LIG1: variants seen among roughly 807,000 people sequenced by gnomAD.
The protein encoded by LIG1 is DNA ligase 1, also known as ligase I, DNA, ATP-dependent.
Under a neutral mutation model 115.7 loss-of-function variants are expected in LIG1, and 70 were observed. That is an observed-to-expected ratio of 0.60 (90% CI 0.50 to 0.74). LIG1 has a LOEUF of 0.74. LIG1 is among the 30% of genes least tolerant of loss of function. The probability of loss-of-function intolerance (pLI) is 0.00; values close to 1 mark genes in which losing one functional copy is unlikely to be tolerated. For synonymous variants in LIG1, 487 were observed against 495.3 expected (o/e 0.98, Z 0.22); for missense variants, 1,115 against 1,225.6 (o/e 0.91, Z 1.35).
At chr19:48,161,563 G>A in intron 3 of LIG1, 56 bp from the exon 4 acceptor site, 1 of 1,587,890 alleles carries the variant, frequency 6.3e-7, no homozygotes, top group South Asian at 1.1e-5. Flanking sequence ...CAGAGTGGGG[G>A]CACTGCCCGC....
At chr19:48,129,842 G>A (rs564794835) in intron 19 of LIG1, among the ~76,000 whole-genome samples, 18 of 152,228 alleles carry the variant, frequency 1.2e-4, no homozygotes, top group African/African-American at 3.4e-4. Context: ...TGCAACCTCC[G>A]CCTCCTGGGT....
intron 12 of LIG1, among the ~76,000 whole-genome samples, chr19:48,139,554 G>C (rs3730951): frequency 0.3 from 45,900 of 151,952 alleles, 7,985 homozygotes; most frequent in East Asian, 0.55. Flanking sequence ...TTTCCACCCA[G>C]CACTGGCGGC....
chr19:48,123,120 G>A (rs2033411219), intron 22 of LIG1, 54 bp downstream of exon 22: 2 of 1,613,002 alleles, frequency 1.2e-6, no homozygotes, highest in Non-Finnish European at 1.7e-6. Flanking sequence ...CAGGCTGGGA[G>A]GCCGGGGTCA....
intron 5 of LIG1, 107 bp downstream of exon 5, chr19:48,156,907 C>G: frequency 9.2e-7 from 1 of 1,087,482 alleles, no homozygotes; most frequent in South Asian, 1.6e-5. Context: ...CCACTGCACT[C>G]CAGCCTAGGC....
chr19:48,117,854 G>A, intron 25 of LIG1, 73 bp from the exon 26 acceptor site: 2 of 1,544,436 alleles, frequency 1.3e-6, no homozygotes, highest in East Asian at 4.6e-5. Flanking sequence ...TGGAGGGCTG[G>A]GGAGAGGGAG....
intron 25 of LIG1, 78 bp from the exon 26 acceptor site, chr19:48,117,859 A>C (rs2032973608): frequency 1.3e-6 from 2 of 1,515,986 alleles, no homozygotes; most frequent in Non-Finnish European, 1.8e-6. Context: ...GGCTGGGGAG[A>C]GGGAGGAAGG....
At chr19:48,149,979 C>T in intron 8 of LIG1, 109 bp downstream of exon 8, 1 of 1,585,002 alleles carries the variant, frequency 6.3e-7, no homozygotes. Context: ...ACTTTCCAAC[C>T]AGCAGGAAAG....
chr19:48,153,227 T>C (rs1318854487), intron 6 of LIG1, among the ~76,000 whole-genome samples: 1 of 150,274 alleles, frequency 6.7e-6, no homozygotes, highest in Non-Finnish European at 1.5e-5. Flanking sequence ...CAAATATTAC[T>C]TTTTTTCCAA....
chr19:48,140,388 G>A (rs924329294), intron 11 of LIG1, among the ~76,000 whole-genome samples: 1 of 152,148 alleles, frequency 6.6e-6, no homozygotes, highest in East Asian at 1.9e-4. Flanking sequence ...ACACCTAACC[G>A]ATTCCATCTT....
rs2034457187 is a variant in LIG1, at chr19:48,137,383, G to C, written c.1254+139C>G. On this transcript the variant is annotated intron_variant, in intron 13 of 27. Transcript: ENST00000263274. The surrounding 1 kb of genome is among the most constrained non-coding windows in gnomAD (Gnocchi z 4.3). Reference sequence around the variant, plus strand: ...CTCCCCTAGGATTGGGTGCAGGAAGGAGGAGAGGAAGCTGTGCACCCCATG... The same window carrying C: ...CTCCCCTAGGATTGGGTGCAGGAAGCAGGAGAGGAAGCTGTGCACCCCATG... The C allele has an allele frequency of 9.1e-7, 1 of 1,096,610 alleles. No individual in the cohort carries two copies. The highest frequency in any genetic ancestry group is 1.5e-5 in the African/African-American group (1 of 64,770). 67.9% of individuals were successfully genotyped at this position (1,096,610 alleles called of 1,614,324 possible).
At position 48,150,207 on chromosome 19, in the gene LIG1, G is replaced by C. The variant is rs1340173232; in HGVS notation, c.578C>G (p.Ala193Gly). 3.7e-6 allele frequency: 6 copies of C among 1,614,144 alleles called. No individual in the cohort carries two copies. Among genetic ancestry groups the C allele is most frequent in the Non-Finnish European group, 4.2e-6 (5 of 1,180,042 alleles). Reference sequence around the variant, plus strand: ...TGAAACGCTTTCCGTCGGGGTCTCTGCTTCTGCGGTGAGAGAGCTCAGACG... The same window carrying C: ...TGAAACGCTTTCCGTCGGGGTCTCTCCTTCTGCGGTGAGAGAGCTCAGACG... ...TPPKPLKTSK[A>G]ETPTESVSEP... is the part of the protein sequence containing the mutation. The change falls in exon 8 of 28, where the codon GCA (alanine) becomes GGA (glycine). Residue 193 changes from alanine to glycine, a missense_variant. Ala to Gly is a moderately conservative substitution (Grantham distance 60). Coordinates refer to ENST00000263274, the MANE Select transcript of LIG1 (RefSeq NM_000234.3).
At chr19:48,144,037 G>A in intron 9 of LIG1, 74 bp from the exon 10 acceptor site, 1 of 1,213,520 alleles carries the variant, frequency 8.2e-7, no homozygotes, top group Non-Finnish European at 1.2e-6. Context: ...CAACTGTGAT[G>A]TGCCAGGCTC....
At chr19:48,139,934 C>T in intron 12 of LIG1, 37 bp downstream of exon 12, 2 of 1,610,682 alleles carry the variant, frequency 1.2e-6, no homozygotes, top group Admixed American at 1.7e-5. Context: ...GGCTGAGCTC[C>T]TGTCCTTCTG....
intron 6 of LIG1, among the ~76,000 whole-genome samples, chr19:48,153,367 T>C (rs16981560): frequency 0.043 from 6,468 of 151,912 alleles, 326 homozygotes; most frequent in African/African-American, 0.11. Flanking sequence ...GTTTGGGAAC[T>C]GCAACTTTAT....
At chr19:48,143,756 CT>C in intron 10 of LIG1, 126 bp downstream of exon 10, 1 of 1,084,200 alleles carries the variant, frequency 9.2e-7, no homozygotes. Context: ...CCTTTCAATG[CT>C]GCTGATTGTC....
intron 12 of LIG1, among the ~76,000 whole-genome samples, chr19:48,138,097 G>A (rs2034513990): frequency 6.6e-6 from 1 of 152,134 alleles, no homozygotes; most frequent in African/African-American, 2.4e-5. Context: ...AGTGACCAAA[G>A]ACCCTTCGGC....
At position 48,137,506 on chromosome 19, in the gene LIG1, G is replaced by A. The variant is rs374830939; in HGVS notation, c.1254+16C>T. The A allele has an allele frequency of 2.3e-4, 373 of 1,610,276 alleles. No homozygotes were observed. Among genetic ancestry groups the A allele is most frequent in the Non-Finnish European group, 2.8e-4 (329 of 1,179,956 alleles). On this transcript the variant is annotated intron_variant, in intron 13 of 27. Transcript: ENST00000263274. The surrounding 1 kb of genome is among the most constrained non-coding windows in gnomAD (Gnocchi z 4.3). ...AAGATGTCTGGGGTCCGGGATGAGC[G>A]GCCCGCCCCACTCACAGCACTGCCA... is the stretch of plus-strand genomic sequence containing the variant.
rs1383531951 is a variant in LIG1, at chr19:48,151,846, T to C, written c.467-507A>G. Among the ~76,000 whole-genome samples the C allele has an allele frequency of 3.9e-5, 6 of 152,174 alleles. No homozygotes were observed. The South Asian group carries it at 6.2e-4, about 16-fold the overall frequency. On this transcript the variant is annotated intron_variant, in intron 6 of 27. Coordinates refer to ENST00000263274, the MANE Select transcript of LIG1 (RefSeq NM_000234.3). ...ATGTAGCCGAGACATAAATGGTGTG[T>C]CTTTCCTTACCAATGATTCCTTTAG...
Position 48,137,709 on chromosome 19 carries a change from G to A in LIG1, c.1088-21C>T, listed in dbSNP as rs527812539. 2.0e-4 allele frequency: 326 copies of A among 1,600,266 alleles called. 4 individuals carry two copies. The South Asian group carries it at 3.2e-3, about 16-fold the overall frequency. On this transcript the variant is annotated intron_variant, in intron 12 of 27. Coordinates refer to ENST00000263274, the MANE Select transcript of LIG1 (RefSeq NM_000234.3). This position sits in a 1 kb window ranked among gnomAD's most constrained non-coding sequence, Gnocchi z 4.3. ...CCGACCTTCAGGGGAGAGCGCGGGT[G>A]GGGGTGTCGAGGGTGACAGTTGTGG...
Sources: allele counts gnomAD v4.1 joint callset (sites outside exome capture counted in the v4.1 genomes callset), GRCh38; gene constraint gnomAD v4.1.1; non-coding constraint Gnocchi (gnomAD v3.1); transcripts MANE v1.5; gene names NCBI Gene and HGNC (gene_info 2026-07-23, HGNC 2026-07-21).